Variants in ZBTB20 observed in about 807,000 individuals in gnomAD.
ZBTB20 encodes the protein zinc finger and BTB domain containing 20.
In ZBTB20, 9 loss-of-function variants were observed where a neutral mutation model predicts 56.9. The ratio of observed to expected loss-of-function variants is 0.16; its 90% CI spans 0.10 to 0.28. The LOEUF (loss-of-function observed/expected upper bound fraction) is 0.28, where lower values mean the gene tolerates loss of function less well. ZBTB20 is among the 10% of genes least tolerant of loss of function. The pLI is 1.00. For missense variants in ZBTB20, 655 were observed against 1,003.0 expected (o/e 0.65, Z 4.69); for synonymous variants, 417 against 420.7 (o/e 0.99, Z 0.11).
At chr3:115,058,254 T>A (rs928645571) in intron 2 of ZBTB20, among the ~76,000 whole-genome samples, 26 of 152,198 alleles carry the variant, frequency 1.7e-4, no homozygotes, top group Admixed American at 1.3e-4. Context: ...GTATTTAATA[T>A]TTGTGTCTTC....
At chr3:114,999,493 C>G (rs1560478049) in intron 2 of ZBTB20, among the ~76,000 whole-genome samples, 1 of 150,778 alleles carries the variant, frequency 6.6e-6, no homozygotes, top group Non-Finnish European at 1.5e-5. Flanking sequence ...TTTAAACCTA[C>G]TTTTTTTTTA....
chr3:114,368,716 G>A (rs534896191), intron 10 of ZBTB20, among the ~76,000 whole-genome samples: 1 of 152,232 alleles, frequency 6.6e-6, no homozygotes, highest in Non-Finnish European at 1.5e-5. Context: ...CTCCTGCTCT[G>A]GAGCAGGGCT....
At chr3:114,658,395 A>T (rs961042203) in intron 6 of ZBTB20, 5 of 152,196 alleles carry the variant, frequency 3.3e-5, no homozygotes, top group Admixed American at 1.3e-4. Flanking sequence ...AACAATTTTT[A>T]AAAATAGTAT....
Position 114,379,992 on chromosome 3 carries a change from T to A in ZBTB20, c.199+225A>T, listed in dbSNP as rs567765135. Among the ~76,000 whole-genome samples, 12 of 152,338 alleles carry A rather than the reference T, an allele frequency of 7.9e-5. No homozygotes were observed. In the East Asian group the frequency reaches 1.9e-3, roughly 24 times the overall value. ...ATGAAAAGAACGTGTTTTATGTAAT[T>A]AATCAGCCCTTTAAGGCCAAATGGC... On this transcript the variant is annotated intron_variant, in intron 10 of 11. Coordinates refer to ENST00000675478, the MANE Select transcript of ZBTB20 (RefSeq NM_001348800.3).
chr3:114,454,912 A>C, intron 7 of ZBTB20: 1 of 150,696 alleles, frequency 6.6e-6, no homozygotes, highest in East Asian at 2.0e-4. Flanking sequence ...TGCCATCAGC[A>C]AGCAGACCAC....
chr3:114,618,957 T>C lies in ZBTB20; in HGVS notation c.-295+74571A>G, dbSNP rs190384206. ...TATGTCTTTCCATATTAGGTGTTTTTCATAAAAAAGATCCCCTTTCTTTAA... is the reference window on the plus strand; with the variant it reads ...TATGTCTTTCCATATTAGGTGTTTTCCATAAAAAAGATCCCCTTTCTTTAA... On this transcript the variant is annotated intron_variant, in intron 6 of 11. Transcript: ENST00000675478. 2.0e-5 allele frequency among the ~76,000 whole-genome samples: 3 copies of C among 152,316 alleles called. No homozygotes were observed. The East Asian group carries it at 5.8e-4, about 29-fold the overall frequency.
intron 5 of ZBTB20, among the ~76,000 whole-genome samples, chr3:114,705,495 T>C (rs1311367313): frequency 1.3e-5 from 2 of 152,138 alleles, no homozygotes; most frequent in African/African-American, 4.8e-5. Flanking sequence ...AGAATCAGAT[T>C]GGAAATAAGA....
At chr3:114,638,199 CT>C (rs200825111) in intron 6 of ZBTB20, among the ~76,000 whole-genome samples, 15 of 151,334 alleles carry the variant, frequency 9.9e-5, no homozygotes, top group African/African-American at 2.9e-4. Context: ...TCTGAGAAAG[CT>C]TTTTTTTTCC....
intron 1 of ZBTB20, among the ~76,000 whole-genome samples, chr3:115,087,699 T>G (rs1336387404): frequency 6.6e-6 from 1 of 151,972 alleles, no homozygotes; most frequent in Non-Finnish European, 1.5e-5. Context: ...TTCAACTGGC[T>G]CCTACTTCTT....
At chr3:114,661,951 T>G (rs1425744042) in intron 6 of ZBTB20, among the ~76,000 whole-genome samples, 1 of 151,864 alleles carries the variant, frequency 6.6e-6, no homozygotes. Context: ...ATGTGCACAT[T>G]GTGCAGGTTA....
At chr3:114,678,937 A>G (rs2061801156) in intron 6 of ZBTB20, among the ~76,000 whole-genome samples, 1 of 152,202 alleles carries the variant, frequency 6.6e-6, no homozygotes, top group Non-Finnish European at 1.5e-5. Context: ...AAGAAAATAA[A>G]GTGATTATAA....
chr3:114,994,924 C>A lies in ZBTB20; in HGVS notation c.-506-20508G>T, dbSNP rs560409738. 5.9e-5 allele frequency among the ~76,000 whole-genome samples: 9 copies of A among 151,974 alleles called. No homozygotes were observed. The South Asian group carries it at 1.7e-3, about 28-fold the overall frequency. On this transcript the variant is annotated intron_variant, in intron 2 of 11. Coordinates refer to ENST00000675478, the MANE Select transcript of ZBTB20 (RefSeq NM_001348800.3). ...CGTTTCTCTTAAAAATTTTAAATAGCTCATGGCCCACCTGTGAGTTCACTG... is the reference window on the plus strand; with the variant it reads ...CGTTTCTCTTAAAAATTTTAAATAGATCATGGCCCACCTGTGAGTTCACTG...
intron 6 of ZBTB20, among the ~76,000 whole-genome samples, chr3:114,661,233 A>G (rs1361755767): frequency 1.3e-5 from 2 of 152,108 alleles, no homozygotes; most frequent in Non-Finnish European, 2.9e-5. Context: ...GACCCTGCCT[A>G]GTTAACAGAT....
At chr3:114,806,111 C>G (rs189119808) in intron 4 of ZBTB20, among the ~76,000 whole-genome samples, 1 of 151,804 alleles carries the variant, frequency 6.6e-6, no homozygotes, top group Non-Finnish European at 1.5e-5. Context: ...TCTTAGATAC[C>G]TCAAAGTGGT....
intron 5 of ZBTB20, among the ~76,000 whole-genome samples, chr3:114,701,422 C>A (rs1478199204): frequency 6.6e-6 from 1 of 152,064 alleles, no homozygotes; most frequent in African/African-American, 2.4e-5. Context: ...TGCTATGTGC[C>A]ACCATGATGT....
chr3:114,866,425 TG>T (rs2075766731), intron 4 of ZBTB20, among the ~76,000 whole-genome samples: 1 of 152,186 alleles, frequency 6.6e-6, no homozygotes. Flanking sequence ...TCATGGGGTT[TG>T]GGGTTGTGTT....
chr3:114,901,682 A>G (rs1027647461), intron 3 of ZBTB20, among the ~76,000 whole-genome samples: 6 of 152,136 alleles, frequency 3.9e-5, no homozygotes, highest in African/African-American at 1.2e-4. Context: ...ATAAAGGAAT[A>G]TTTGGCAAAA....
chr3:114,688,558 A>G (rs2062495635), intron 6 of ZBTB20, among the ~76,000 whole-genome samples: 1 of 152,162 alleles, frequency 6.6e-6, no homozygotes, highest in Non-Finnish European at 1.5e-5. Flanking sequence ...AGTTAGAGAA[A>G]ATACAATTTT....
In ZBTB20 at chr3:115,064,583, C is replaced by T. The variant is rs1649087058; in HGVS notation, c.-507+6636G>A. 2.0e-5 allele frequency among the ~76,000 whole-genome samples: 3 copies of T among 151,086 alleles called. No individual in the cohort carries two copies. The South Asian group carries it at 6.3e-4, about 32-fold the overall frequency. On this transcript the variant is annotated intron_variant, in intron 2 of 11. Transcript: ENST00000675478. Reference sequence around the variant, plus strand: ...TCTCCTGCCTCAGCCTCCCAAGTAGCTAGGATTACAGGCATGTGCCAACAC... The same window carrying T: ...TCTCCTGCCTCAGCCTCCCAAGTAGTTAGGATTACAGGCATGTGCCAACAC...
Sources: allele counts gnomAD v4.1 joint callset (sites outside exome capture counted in the v4.1 genomes callset), GRCh38; gene constraint gnomAD v4.1.1; transcripts MANE v1.5; gene names NCBI Gene and HGNC (gene_info 2026-07-23, HGNC 2026-07-21).